Variants in SDK2 observed in about 807,000 individuals in gnomAD.
SDK2 encodes protein sidekick-2.
Under a neutral mutation model 253.9 loss-of-function variants are expected in SDK2, and 105 were observed. The ratio of observed to expected loss-of-function variants is 0.41; its 90% confidence interval spans 0.35 to 0.49. The LOEUF (loss-of-function observed/expected upper bound fraction) is 0.49. SDK2 is among the 20% of genes least tolerant of loss of function. The probability of loss-of-function intolerance (pLI) is 0.06; values close to 1 mark genes in which losing one functional copy is unlikely to be tolerated. For missense variants in SDK2, 2,608 were observed against 3,003.0 expected, an observed-to-expected ratio of 0.87 and a Z score of 3.07; for synonymous variants, 1,249 against 1,234.9, an observed-to-expected ratio of 1.01 and a Z score of -0.24.
chr17:73,605,272 G>A (rs1362355711), intron 1 of SDK2, among the ~76,000 whole-genome samples: 1 of 152,164 alleles, frequency 6.6e-6, no homozygotes, highest in Admixed American at 6.5e-5. Context: ...TAAGGTTTGA[G>A]GGACGTAGCA....
chr17:73,485,396 A>G (rs923146028), intron 2 of SDK2, among the ~76,000 whole-genome samples: 2 of 152,172 alleles, frequency 1.3e-5, no homozygotes, highest in Non-Finnish European at 2.9e-5. Context: ...GATTCCTGAG[A>G]CATCGACTGT....
chr17:73,402,236 C>A, intron 18 of SDK2, 95 bp from the exon 19 acceptor site: 1 of 1,341,074 alleles, frequency 7.5e-7, no homozygotes, highest in Non-Finnish European at 1.0e-6. Flanking sequence ...CAGATGGTGT[C>A]CGGGGACCGG....
intron 1 of SDK2, among the ~76,000 whole-genome samples, chr17:73,628,373 A>C (rs1020190283): frequency 1.3e-5 from 2 of 152,242 alleles, no homozygotes; most frequent in African/African-American, 4.8e-5. Context: ...TTCCTGGTCC[A>C]TATAATGGGA....
rs1472062002 is a variant in SDK2 at position 73,438,174 on chromosome 17, G to A, written c.726-20C>T. 1.3e-6 allele frequency: 2 copies of A among 1,544,558 alleles called. No individual in the cohort carries two copies. On this transcript the variant is annotated intron_variant, in intron 6 of 44. Transcript: ENST00000392650. ...AGGGGCCTGCAGAGGGCAAGGGAAG[G>A]CCAGTGTTCAGCCATGAGGACTCCC...
At chr17:73,514,401 A>G (rs1408010524) in intron 1 of SDK2, among the ~76,000 whole-genome samples, 3 of 152,148 alleles carry the variant, frequency 2.0e-5, no homozygotes, top group Admixed American at 6.5e-5. Context: ...ACAGAAGCCA[A>G]TCTCAACTTC....
intron 1 of SDK2, among the ~76,000 whole-genome samples, chr17:73,515,819 T>C (rs1377821216): frequency 6.6e-6 from 1 of 152,198 alleles, no homozygotes; most frequent in Admixed American, 6.5e-5. Flanking sequence ...TTTGACCTTA[T>C]GCAAATTCAC....
At chr17:73,420,290 T>C (rs571233620) in intron 15 of SDK2, among the ~76,000 whole-genome samples, 209 of 152,374 alleles carry the variant, frequency 1.4e-3, no homozygotes, top group African/African-American at 4.9e-3. Flanking sequence ...CCTTTTTGTT[T>C]ATGTTTTTGC....
intron 1 of SDK2, among the ~76,000 whole-genome samples, chr17:73,631,390 G>A (rs1437679390): frequency 2.6e-5 from 4 of 152,232 alleles, no homozygotes; most frequent in South Asian, 2.1e-4. Context: ...ACTGCCCGTG[G>A]GGAAGAGACT....
chr17:73,428,274 C>CAGG (rs1189987978), intron 12 of SDK2, among the ~76,000 whole-genome samples: 2 of 152,140 alleles, frequency 1.3e-5, no homozygotes, highest in East Asian at 3.9e-4. Flanking sequence ...CCATGTTGGA[C>CAGG]AGGATGGTCT....
chr17:73,565,084 C>T (rs1410237905), intron 1 of SDK2, among the ~76,000 whole-genome samples: 1 of 152,176 alleles, frequency 6.6e-6, no homozygotes, highest in African/African-American at 2.4e-5. Context: ...CTAGCTCCTG[C>T]CAAGTGGGGT....
At chr17:73,588,569 G>T (rs1375271698) in intron 1 of SDK2, among the ~76,000 whole-genome samples, 1 of 152,060 alleles carries the variant, frequency 6.6e-6, no homozygotes, top group African/African-American at 2.4e-5. Flanking sequence ...TCTCATCAGG[G>T]CCAACTCAAC....
In SDK2 at chr17:73,618,582, G is replaced by C. The variant is rs1388214645; in HGVS notation, c.64+25443C>G. ...AAAGGAGTCTCCATTTCTGCCCCATGAACAGGAAGGGTGTTTCCCTTTGGA... is the reference window on the plus strand; with the variant it reads ...AAAGGAGTCTCCATTTCTGCCCCATCAACAGGAAGGGTGTTTCCCTTTGGA... On this transcript the variant is annotated intron_variant, in intron 1 of 44. Transcript: ENST00000392650. The surrounding 1 kb of genome is among the most constrained non-coding windows in gnomAD (Gnocchi z 4.1). Among the ~76,000 whole-genome samples the C allele has an allele frequency of 6.6e-6, 1 of 152,210 alleles. No homozygotes were observed. The highest frequency in any genetic ancestry group is 1.5e-5 in the Non-Finnish European group (1 of 68,040).
At chr17:73,392,650 C>T (rs1316479684) in intron 27 of SDK2, among the ~76,000 whole-genome samples, 1 of 149,738 alleles carries the variant, frequency 6.7e-6, no homozygotes. Context: ...ACATATTTAA[C>T]GGTTCATTAG....
intron 10 of SDK2, 33 bp downstream of exon 10, chr17:73,433,699 C>T: frequency 2.0e-6 from 3 of 1,492,542 alleles, no homozygotes; most frequent in Non-Finnish European, 2.8e-6. Flanking sequence ...GGCTATCACC[C>T]AGCCACACTC....
chr17:73,513,206 A>C (rs1210881120), intron 1 of SDK2, among the ~76,000 whole-genome samples: 1 of 152,148 alleles, frequency 6.6e-6, no homozygotes, highest in African/African-American at 2.4e-5. Flanking sequence ...AGATATTTGC[A>C]ACTGTTATCA....
chr17:73,513,366 C>T lies in SDK2; in HGVS notation c.65-5769G>A, dbSNP rs190969467. Among the ~76,000 whole-genome samples, 5 of 152,248 alleles carry T rather than the reference C, an allele frequency of 3.3e-5. No individual in the cohort carries two copies. In the South Asian group the frequency reaches 6.2e-4, roughly 19 times the overall value. On this transcript the variant is annotated intron_variant, in intron 1 of 44. Coordinates refer to ENST00000392650, the MANE Select transcript of SDK2 (RefSeq NM_001144952.2). ...TGGAACTCACACAAAGATGCTCAGCCTCATGATAAGAAAAAGGAAAACTAA... is the reference window on the plus strand; with the variant it reads ...TGGAACTCACACAAAGATGCTCAGCTTCATGATAAGAAAAAGGAAAACTAA...
chr17:73,445,698 T>TGGCAGGCA (rs35240393), intron 5 of SDK2, among the ~76,000 whole-genome samples: 47 of 151,338 alleles, frequency 3.1e-4, no homozygotes, highest in Non-Finnish European at 5.0e-4. Flanking sequence ...ACAAATTGGT[T>TGGCAGGCA]GGCAGGCAGG....
intron 1 of SDK2, among the ~76,000 whole-genome samples, chr17:73,619,933 T>C (rs1012761550): frequency 1.3e-5 from 2 of 152,180 alleles, no homozygotes; most frequent in Admixed American, 6.5e-5. Flanking sequence ...GGTGGCTGGC[T>C]CATGCCAGTA....
At chr17:73,397,299 T>G (rs1418165898) in intron 24 of SDK2, among the ~76,000 whole-genome samples, 2 of 152,130 alleles carry the variant, frequency 1.3e-5, no homozygotes, top group African/African-American at 4.8e-5. Context: ...GAGGGCCTGG[T>G]GGGGAGAAGT....
Sources: gnomAD v4.1 joint callset for allele counts (sites outside exome capture counted in the v4.1 genomes callset) on GRCh38, gnomAD v4.1.1 for gene constraint, Gnocchi (gnomAD v3.1) non-coding constraint, MANE v1.5 for transcripts, NCBI Gene and HGNC (gene_info 2026-07-23, HGNC 2026-07-21) for gene names.